ITIH4: variants seen among roughly 807,000 people sequenced by gnomAD.
The protein encoded by ITIH4 is inter-alpha-trypsin inhibitor heavy chain H4.
A neutral mutation model predicts 111.8 loss-of-function variants in ITIH4; 79 were observed. The observed-to-expected ratio is 0.71, with a 90% CI of 0.59 to 0.85. ITIH4 has a LOEUF of 0.85. Among genes scored for constraint, ITIH4 ranks in the 40% least tolerant of loss-of-function variants. ITIH4 has a pLI of 0.00. For synonymous variants in ITIH4, 472 were observed against 468.3 expected, an observed-to-expected ratio of 1.01 and a Z score of -0.10; for missense variants, 1,065 against 1,195.8, an observed-to-expected ratio of 0.89 and a Z score of 1.61.
intron 11 of ITIH4, 80 bp from the exon 12 acceptor site, chr3:52,821,210 T>C (rs1223441921): frequency 1.3e-6 from 2 of 1,526,494 alleles, no homozygotes; most frequent in Non-Finnish European, 1.8e-6. Context: ...AGCTCTTCCA[T>C]GATTGGGGCT....
Position 52,813,142 on chromosome 3 carries a change from G to T in ITIH4, c.*279C>A. The T allele has an allele frequency of 2.3e-6, 1 of 434,554 alleles. No homozygotes were observed. The highest frequency in any genetic ancestry group is 4.1e-6 in the Non-Finnish European group (1 of 242,958). The allele number at this position is 434,554 out of a possible 1,614,324, so 26.9% of individuals were successfully genotyped here. A position where few individuals can be genotyped will look rare whatever the true frequency, so the allele number is the denominator to read the frequency against. The stretch of plus-strand genomic sequence containing the variant: ...CCTTGTTTGTAAAATGAAGGGGCTG[G>T]ACTGAAAGCTCAGCATGGGCCTTCC... On this transcript the variant is annotated 3_prime_UTR_variant, in exon 24 of 24. Transcript: ENST00000266041.
Position 52,824,965 on chromosome 3 carries a change from C to A in ITIH4, c.760-7G>T, listed in dbSNP as rs201567558. The A allele has an allele frequency of 1.6e-4, 261 of 1,592,532 alleles. No individual in the cohort carries two copies. The highest frequency in any genetic ancestry group is 2.1e-4 in the Non-Finnish European group (240 of 1,163,422). The stretch of plus-strand genomic sequence containing the variant: ...CAAAGTAGCCGTTCTCGATCTGTGG[C>A]CAGAGTGAGACCCACCCAGGCCATC... On this transcript the variant is annotated splice_region_variant and splice_polypyrimidine_tract_variant and intron_variant, in intron 6 of 23. Coordinates refer to ENST00000266041, the MANE Select transcript of ITIH4 (RefSeq NM_002218.5). This position sits in a 1 kb window ranked among gnomAD's most constrained non-coding sequence, Gnocchi z 4.3.
chr3:52,825,021 C>T, intron 6 of ITIH4, 63 bp from the exon 7 acceptor site: 1 of 1,087,348 alleles, frequency 9.2e-7, no homozygotes, highest in Non-Finnish European at 1.4e-6. Context: ...CCCCATTCAG[C>T]CCCTTTACCC....
In ITIH4 at chr3:52,813,261, C is replaced by T. The variant is rs754613814; in HGVS notation, c.*160G>A. 7.4e-6 allele frequency: 5 copies of T among 673,758 alleles called. No individual in the cohort carries two copies. The highest frequency in any genetic ancestry group is 5.4e-5 in the African/African-American group (3 of 55,434). The allele number at this position is 673,758 out of a possible 1,614,324, so 41.7% of individuals were successfully genotyped here. A position where few individuals can be genotyped will look rare whatever the true frequency, so the allele number is the denominator to read the frequency against. ...AGGTTGAGGCCCTAGGATTTGGCCA[C>T]ATGGAACTGGAGACACCCACTTCCC... On this transcript the variant is annotated 3_prime_UTR_variant, in exon 24 of 24. Coordinates refer to ENST00000266041, the MANE Select transcript of ITIH4 (RefSeq NM_002218.5).
At chr3:52,827,735 C>T (rs964713865) in intron 2 of ITIH4, among the ~76,000 whole-genome samples, 1 of 152,218 alleles carries the variant, frequency 6.6e-6, no homozygotes. Flanking sequence ...AAGAGGCAGG[C>T]ACCCTATAGG....
At position 52,817,129 on chromosome 3, in the gene ITIH4, C is replaced by A. The variant is rs542995929; in HGVS notation, c.2297-71G>T. The A allele has an allele frequency of 7.3e-5, 97 of 1,323,906 alleles. 1 individual carries two copies. The South Asian group carries it at 1.1e-3, about 15-fold the overall frequency. 82.0% of individuals were successfully genotyped at this position (1,323,906 alleles called of 1,614,324 possible). On this transcript the variant is annotated intron_variant, in intron 20 of 23. Coordinates refer to ENST00000266041, the MANE Select transcript of ITIH4 (RefSeq NM_002218.5). ...TCTGACACCGACCTGCATGGGGAGT[C>A]CCCCCTGATCACACCCCCTGGAGTT...
intron 3 of ITIH4, 22 bp from the exon 4 acceptor site, chr3:52,826,975 C>T: frequency 6.2e-7 from 1 of 1,613,970 alleles, no homozygotes; most frequent in Middle Eastern, 1.6e-4. Flanking sequence ...GGGCATCAGG[C>T]CTGCTCCTCC....
intron 21 of ITIH4, among the ~76,000 whole-genome samples, chr3:52,815,671 A>T (rs1234452239): frequency 6.6e-6 from 1 of 152,068 alleles, no homozygotes; most frequent in Non-Finnish European, 1.5e-5. Context: ...TCTACCAGAT[A>T]GCAAGGAATT....
At position 52,818,114 on chromosome 3, in the gene ITIH4, C is replaced by G. The variant is rs199751490; in HGVS notation, c.2234G>C (p.Arg745Pro). Residue 745 changes from arginine (R) to proline (P), a missense_variant, in exon 20 of 24, where the codon CGG becomes CCG. Transcript: ENST00000266041. The stretch of plus-strand genomic sequence containing the variant: ...GCGGTGTCTGGGGTCCACACAGAGC[C>G]GCTCCACACTCTGCCCAGGCAGTGG... Reference protein sequence around the residue: ...ILPLPGQSVERLCVDPRHRQG... With the variant: ...ILPLPGQSVEPLCVDPRHRQG... 6.2e-7 allele frequency: 1 copy of G among 1,613,828 alleles called. No individual in the cohort carries two copies. The highest frequency in any genetic ancestry group is 8.5e-7 in the Non-Finnish European group (1 of 1,179,966).
chr3:52,817,667 A>T (rs998507539), intron 20 of ITIH4, among the ~76,000 whole-genome samples: 2 of 151,718 alleles, frequency 1.3e-5, no homozygotes, highest in Non-Finnish European at 2.9e-5. Context: ...GGGGCTCTGT[A>T]CTCTGCAGGC....
At chr3:52,813,927 C>A (rs1490521961) in intron 23 of ITIH4, 48 bp downstream of exon 23, 1 of 1,495,142 alleles carries the variant, frequency 6.7e-7, no homozygotes, top group East Asian at 2.4e-5. Flanking sequence ...GCCTGCCAGT[C>A]CCCACCCCAC....
At position 52,813,464 on chromosome 3, in the gene ITIH4, C is replaced by G. The variant is rs757402213; in HGVS notation, c.2750G>C (p.Gly917Ala). ...TRERRLDYQE[G>A]PPGVEISCWS... is the part of the protein sequence containing the mutation. ...GCAGGAAATCTCCACTCCCGGGGGC[C>G]CCTCCTGGTAATCCAGCCTGCGCTC... The change falls in exon 24 of 24, where the codon GGG becomes GCG. Residue 917 changes from glycine (G) to alanine (A), a missense_variant. Physicochemically the swap from Gly to Ala is moderately conservative, Grantham distance 60 (BLOSUM62 0). Coordinates refer to ENST00000266041, the MANE Select transcript of ITIH4 (RefSeq NM_002218.5). The G allele has an allele frequency of 1.2e-6, 2 of 1,614,096 alleles. No homozygotes were observed. Among genetic ancestry groups the G allele is most frequent in the East Asian group, 4.5e-5 (2 of 44,884 alleles).
intron 13 of ITIH4, 74 bp downstream of exon 13, chr3:52,820,557 G>A: frequency 6.6e-7 from 1 of 1,517,100 alleles, no homozygotes; most frequent in Non-Finnish European, 9.0e-7. Flanking sequence ...TGGTCAGGAT[G>A]CAGGGAAGAT....
chr3:52,826,456 C>T, intron 5 of ITIH4, 85 bp downstream of exon 5: 1 of 992,904 alleles, frequency 1.0e-6, no homozygotes. Flanking sequence ...GAGAGCCCAT[C>T]CTGCTTTCCA....
rs35672271 is a variant in ITIH4, at chr3:52,823,967, C to T, written c.1209G>A (p.Arg403=). ...GGCTGTACCGGCCACTTACAGCTTC[C>T]CGCACGTTATTCTGGATGCTCCTGG... The part of the protein sequence containing the change: ...TNPRSIQNNV[R]EAVSGRYSLF... Residue 403 remains arginine, a synonymous_variant, in exon 10 of 24, where the codon CGG becomes CGA. Coordinates refer to ENST00000266041, the MANE Select transcript of ITIH4 (RefSeq NM_002218.5). 1.3e-3 allele frequency: 2,053 copies of T among 1,586,838 alleles called. 17 individuals carry two copies. The African/African-American group carries it at 0.022, about 17-fold the overall frequency.
In ITIH4 at chr3:52,816,970, G is replaced by GT; in HGVS notation, c.2384dup (p.His795GlnfsTer5). 1 of 1,613,912 alleles carries GT rather than the reference G, an allele frequency of 6.2e-7. No homozygotes were observed. The highest frequency in any genetic ancestry group is 1.3e-5 in the African/African-American group (1 of 75,060). Reference sequence around the variant, plus strand: ...TCACCACCACGTGTTCAGGGGATGCGTGAACCCATACCAGGGGGTTCTTGA... The same window carrying GT: ...TCACCACCACGTGTTCAGGGGATGCGTTGAACCCATACCAGGGGGTTCTTGA... On this transcript the variant is annotated frameshift_variant, in exon 21 of 24. Coordinates refer to ENST00000266041, the MANE Select transcript of ITIH4 (RefSeq NM_002218.5). LOFTEE classifies it high-confidence loss of function.
At chr3:52,821,518 C>T (rs1255488490) in intron 11 of ITIH4, among the ~76,000 whole-genome samples, 2 of 152,154 alleles carry the variant, frequency 1.3e-5, no homozygotes, top group Non-Finnish European at 2.9e-5. Context: ...ACCCCCAAAG[C>T]TGAGGGAAAG....
chr3:52,830,627 G>T lies in ITIH4; in HGVS notation c.16C>A (p.Pro6Thr). The T allele has an allele frequency of 1.2e-6, 2 of 1,608,360 alleles. No homozygotes were observed. The highest frequency in any genetic ancestry group is 1.7e-6 in the Non-Finnish European group (2 of 1,175,628). ...AGAACTTTGCTGCAGGTACGGACAG[G>T]CCTTGGGGGCTTCATCGTGGCTCCA... Reference protein sequence around the residue: MKPPRPVRTCSKVLVL... With the variant: MKPPRTVRTCSKVLVL... Residue 6 changes from proline to threonine, a missense_variant, in exon 1 of 24, where the codon CCT becomes ACT. Physicochemically the swap from Pro to Thr is conservative, Grantham distance 38. Coordinates refer to ENST00000266041, the MANE Select transcript of ITIH4 (RefSeq NM_002218.5).
At position 52,814,363 on chromosome 3, in the gene ITIH4, G is replaced by A. The variant is rs1309611581; in HGVS notation, c.2472C>T (p.Gly824=). Residue 824 remains glycine, a splice_region_variant and synonymous_variant, in exon 22 of 24, where the codon GGC becomes GGT. Coordinates refer to ENST00000266041, the MANE Select transcript of ITIH4 (RefSeq NM_002218.5). Reference sequence around the variant, plus strand: ...CCGTCTTGTCCATGGTCATCTTCAGGCTGTGGAAAGACCCAGTGTCTTGAG... The same window carrying A: ...CCGTCTTGTCCATGGTCATCTTCAGACTGTGGAAAGACCCAGTGTCTTGAG... The part of the protein sequence containing the change: ...WKETLFSVMP[G]LKMTMDKTGL... 6.2e-7 allele frequency: 1 copy of A among 1,613,632 alleles called. No homozygotes were observed. The highest frequency in any genetic ancestry group is 8.5e-7 in the Non-Finnish European group (1 of 1,179,764).
Sources: allele counts gnomAD v4.1 joint callset (sites outside exome capture counted in the v4.1 genomes callset), GRCh38; gene constraint gnomAD v4.1.1; non-coding constraint Gnocchi (gnomAD v3.1); transcripts MANE v1.5; gene names NCBI Gene and HGNC (gene_info 2026-07-23, HGNC 2026-07-21).